SEMA3C: variants seen among roughly 807,000 people sequenced by gnomAD.
SEMA3C encodes the protein semaphorin-3C.
Under a neutral mutation model 89.4 loss-of-function variants are expected in SEMA3C, and 47 were observed. The ratio of observed to expected loss-of-function variants is 0.53; its 90% CI spans 0.42 to 0.67. The LOEUF (loss-of-function observed/expected upper bound fraction) is 0.67. Ranked by LOEUF, SEMA3C falls within the 30% of genes least tolerant of loss-of-function variation. The probability of loss-of-function intolerance (pLI) is 0.00; values close to 1 mark genes in which losing one functional copy is unlikely to be tolerated. For synonymous variants in SEMA3C, 310 were observed against 320.2 expected, an observed-to-expected ratio of 0.97 and a Z score of 0.34; for missense variants, 839 against 929.1, an observed-to-expected ratio of 0.90 and a Z score of 1.26.
In SEMA3C at chr7:80,748,919, T is replaced by C. The variant is rs745405928; in HGVS notation, c.1821A>G (p.Lys607=). ...TCACCTCTTTCCTCCTGTCTTTGTC[T>C]TTCTGTAACAGCCACTTGATAGATG... ...PQASIKWLLQ[K]DKDRRKEVKL... The change falls in exon 17 of 18, where the codon AAA becomes AAG. Residue 607 remains lysine, a synonymous_variant. Transcript: ENST00000265361. The C allele has an allele frequency of 8.1e-6, 13 of 1,612,566 alleles. No homozygotes were observed. In the South Asian group the frequency reaches 8.8e-5, roughly 11 times the overall value.
chr7:80,789,614 C>T, intron 11 of SEMA3C, 86 bp from the exon 12 acceptor site: 1 of 915,686 alleles, frequency 1.1e-6, no homozygotes, highest in Non-Finnish European at 1.6e-6. Flanking sequence ...TTTGAAATCA[C>T]TTAGAAGCTC....
intron 2 of SEMA3C, among the ~76,000 whole-genome samples, chr7:80,897,847 T>C (rs1374653994): frequency 2.0e-5 from 3 of 152,208 alleles, no homozygotes; most frequent in Admixed American, 6.5e-5. Context: ...TCAGACAATA[T>C]AGAAAAATGG....
chr7:80,816,059 C>T (rs997204211), intron 5 of SEMA3C: 5 of 151,940 alleles, frequency 3.3e-5, no homozygotes, highest in African/African-American at 1.2e-4. Flanking sequence ...AGGAGAAGAA[C>T]CGTGGTTAGG....
chr7:80,855,225 CA>C (rs1790609654), intron 2 of SEMA3C, among the ~76,000 whole-genome samples: 1 of 152,114 alleles, frequency 6.6e-6, no homozygotes, highest in Admixed American at 6.5e-5. Context: ...ACAATTGGCA[CA>C]AACAGGGACT....
Position 80,758,343 on chromosome 7 carries a change from G to C in SEMA3C, c.1631C>G (p.Pro544Arg). The C allele has an allele frequency of 6.2e-7, 1 of 1,613,218 alleles. No individual in the cohort carries two copies. The highest frequency in any genetic ancestry group is 8.5e-7 in the Non-Finnish European group (1 of 1,179,658). Residue 544 changes from proline to arginine, a missense_variant, in exon 15 of 18, where the codon CCA becomes CGA. Pro to Arg is a moderately radical substitution (Grantham distance 103). Transcript: ENST00000265361. Reference sequence around the variant, plus strand: ...GTTTAGTGCTCACCGTTTCCCAGTTGGGTAGAATCTGGAACAGGAATGGCC... The same window carrying C: ...GTTTAGTGCTCACCGTTTCCCAGTTCGGTAGAATCTGGAACAGGAATGGCC... ...WDGHSCSRFY[P>R]TGKRRSRRQD...
At chr7:80,855,751 T>C (rs1007689218) in intron 2 of SEMA3C, among the ~76,000 whole-genome samples, 2 of 152,120 alleles carry the variant, frequency 1.3e-5, no homozygotes, top group African/African-American at 2.4e-5. Context: ...AGGCAACTAG[T>C]AGTGACAATA....
intron 2 of SEMA3C, among the ~76,000 whole-genome samples, chr7:80,874,591 C>A (rs150000993): frequency 0.011 from 1,661 of 151,978 alleles, 24 homozygotes; most frequent in African/African-American, 0.035. Flanking sequence ...CTCAGCCTCC[C>A]AAGTACCTGG....
chr7:80,905,962 T>A, intron 2 of SEMA3C: 1 of 1,158,062 alleles, frequency 8.6e-7, no homozygotes, highest in South Asian at 1.3e-5. Context: ...TTTGTTTTTT[T>A]TTTAACTGAA....
intron 2 of SEMA3C, among the ~76,000 whole-genome samples, chr7:80,872,986 TG>T (rs1791106497): frequency 6.6e-6 from 1 of 151,308 alleles, no homozygotes; most frequent in African/African-American, 2.4e-5. Flanking sequence ...GTTTTGACCT[TG>T]TGGACCCCCT....
At chr7:80,875,545 T>C (rs987995682) in intron 2 of SEMA3C, among the ~76,000 whole-genome samples, 4 of 152,050 alleles carry the variant, frequency 2.6e-5, no homozygotes, top group African/African-American at 9.7e-5. Flanking sequence ...AATGAAAAAT[T>C]CCAAAAATAA....
At chr7:80,887,424 C>T (rs574374838) in intron 2 of SEMA3C, among the ~76,000 whole-genome samples, 2 of 152,198 alleles carry the variant, frequency 1.3e-5, no homozygotes, top group Admixed American at 6.5e-5. Context: ...CACTATGGTT[C>T]TATCTTCAGT....
chr7:80,855,684 C>G (rs1476364064), intron 2 of SEMA3C, among the ~76,000 whole-genome samples: 3 of 152,296 alleles, frequency 2.0e-5, no homozygotes, highest in African/African-American at 7.2e-5. Flanking sequence ...TTCAGAATCT[C>G]TCTTCTGAAT....
chr7:80,885,525 G>C (rs1296722333), intron 2 of SEMA3C, among the ~76,000 whole-genome samples: 1 of 152,138 alleles, frequency 6.6e-6, no homozygotes, highest in Non-Finnish European at 1.5e-5. Flanking sequence ...GCTGAGGTGT[G>C]AGGATCCTTT....
chr7:80,774,427 C>G (rs1357301249), intron 12 of SEMA3C, among the ~76,000 whole-genome samples: 1 of 152,050 alleles, frequency 6.6e-6, no homozygotes, highest in Non-Finnish European at 1.5e-5. Context: ...AGTATAAAAA[C>G]ATTCAAATAA....
chr7:80,843,054 G>A (rs889387850), intron 2 of SEMA3C, among the ~76,000 whole-genome samples: 2 of 152,104 alleles, frequency 1.3e-5, no homozygotes, highest in Admixed American at 6.6e-5. Context: ...AGGGGCGTGT[G>A]GGTGGGGGTG....
chr7:80,794,028 A>G (rs1246347402), intron 11 of SEMA3C, among the ~76,000 whole-genome samples: 1 of 152,080 alleles, frequency 6.6e-6, no homozygotes, highest in Non-Finnish European at 1.5e-5. Context: ...AGCCAAAAAA[A>G]TTACATAGTT....
intron 12 of SEMA3C, among the ~76,000 whole-genome samples, chr7:80,788,919 C>T (rs1441838945): frequency 2.6e-5 from 4 of 152,110 alleles, no homozygotes; most frequent in African/African-American, 9.7e-5. Context: ...TTAATCATTG[C>T]TTTTTTCTTT....
intron 2 of SEMA3C, among the ~76,000 whole-genome samples, chr7:80,901,129 T>C (rs957829726): frequency 2.6e-5 from 4 of 152,168 alleles, no homozygotes; most frequent in Non-Finnish European, 5.9e-5. Flanking sequence ...ACTCCAGAAA[T>C]GAATTGGGAA....
chr7:80,898,995 T>C (rs1583991187), intron 2 of SEMA3C, among the ~76,000 whole-genome samples: 1 of 152,142 alleles, frequency 6.6e-6, no homozygotes, highest in African/African-American at 2.4e-5. Flanking sequence ...GTAATGCTAT[T>C]GTTGAATCCC....
Sources: gnomAD v4.1 joint callset for allele counts (sites outside exome capture counted in the v4.1 genomes callset) on GRCh38, gnomAD v4.1.1 for gene constraint, MANE v1.5 for transcripts, NCBI Gene and HGNC (gene_info 2026-07-23, HGNC 2026-07-21) for gene names.